SNX13: variants seen among roughly 807,000 people sequenced by gnomAD.
The protein encoded by SNX13 is sorting nexin-13.
A neutral mutation model predicts 133.6 loss-of-function variants in SNX13; 45 were observed. That is an observed-to-expected ratio of 0.34 (90% confidence interval 0.27 to 0.43). The LOEUF is 0.43. Among genes scored for constraint, SNX13 ranks in the 20% least tolerant of loss-of-function variants. The pLI, the probability that SNX13 is intolerant of heterozygous loss-of-function variation, is 1.00. For missense variants in SNX13, 1,032 were observed against 1,145.1 expected (o/e 0.90, Z 1.43); for synonymous variants, 414 against 373.9 (o/e 1.11, Z -1.24).
At chr7:17,847,354 G>A (rs187127629) in intron 11 of SNX13, among the ~76,000 whole-genome samples, 7 of 152,002 alleles carry the variant, frequency 4.6e-5, no homozygotes, top group Admixed American at 2.6e-4. Context: ...TTTTTGAGAC[G>A]GAGTGTCGCT....
chr7:17,794,089 G>C lies in SNX13; in HGVS notation c.2830C>G (p.Gln944Glu). ...SRSKQMQKYK[Q>E]KLQTTQAPSL... ...GGCGCTTGAGTAGTTTGAAGTTTCT[G>C]TTTATATTTCTGCATCTGCTTTGAC... is the stretch of plus-strand genomic sequence containing the variant. The change falls in exon 26 of 26, where the codon CAG becomes GAG. Residue 944 changes from glutamine to glutamate, a missense_variant. Transcript: ENST00000428135. 1 of 1,611,580 alleles carries C rather than the reference G, an allele frequency of 6.2e-7. No homozygotes were observed. Among genetic ancestry groups the C allele is most frequent in the Non-Finnish European group, 8.5e-7 (1 of 1,178,280 alleles).
At chr7:17,893,639 A>G (rs1177595568) in intron 2 of SNX13, among the ~76,000 whole-genome samples, 2 of 152,296 alleles carry the variant, frequency 1.3e-5, no homozygotes, top group Middle Eastern at 3.4e-3. Context: ...GAATTATACA[A>G]TAATACTTTT....
intron 11 of SNX13, 143 bp from the exon 12 acceptor site, chr7:17,845,837 G>C: frequency 1.9e-6 from 1 of 523,940 alleles, no homozygotes; most frequent in Non-Finnish European, 3.4e-6. Context: ...TTTCCCAATA[G>C]ATATACATTG....
intron 5 of SNX13, among the ~76,000 whole-genome samples, chr7:17,885,297 CA>C (rs369504773): frequency 2.1e-3 from 258 of 121,006 alleles, no homozygotes; most frequent in East Asian, 6.1e-3. Context: ...TCCATAGAGA[CA>C]AAAAAAAAAA....
intron 2 of SNX13, among the ~76,000 whole-genome samples, chr7:17,895,912 G>T (rs1176209598): frequency 6.6e-6 from 1 of 151,994 alleles, no homozygotes; most frequent in Non-Finnish European, 1.5e-5. Flanking sequence ...ACAAAGTATT[G>T]GGAAATACTC....
intron 10 of SNX13, 52 bp from the exon 11 acceptor site, chr7:17,850,487 A>G: frequency 9.1e-7 from 1 of 1,095,122 alleles, no homozygotes. Flanking sequence ...TTTATGAAAT[A>G]CTTTAAACAT....
chr7:17,846,403 T>C (rs887064248), intron 11 of SNX13, among the ~76,000 whole-genome samples: 2 of 152,170 alleles, frequency 1.3e-5, no homozygotes, highest in Admixed American at 6.5e-5. Flanking sequence ...AAAACGAAGA[T>C]GAAAAAGGTT....
chr7:17,901,224 CCTCTT>C (rs1351945115), intron 1 of SNX13, among the ~76,000 whole-genome samples: 1 of 152,096 alleles, frequency 6.6e-6, no homozygotes, highest in African/African-American at 2.4e-5. Context: ...TTTTCCCTCT[CCTCTT>C]CTCAAGCAGA....
intron 1 of SNX13, among the ~76,000 whole-genome samples, chr7:17,919,355 T>C (rs142297877): frequency 1.1e-3 from 166 of 152,288 alleles, no homozygotes; most frequent in African/African-American, 3.6e-3. Flanking sequence ...TGACATACTA[T>C]AGCAAAGTCA....
intron 13 of SNX13, among the ~76,000 whole-genome samples, chr7:17,835,706 A>G (rs1036311905): frequency 6.6e-6 from 1 of 151,974 alleles, no homozygotes; most frequent in African/African-American, 2.4e-5. Flanking sequence ...AATTTATCCA[A>G]TAAAATAAAG....
chr7:17,817,705 A>G (rs181830191), intron 18 of SNX13, among the ~76,000 whole-genome samples: 15 of 152,278 alleles, frequency 9.9e-5, no homozygotes, highest in Non-Finnish European at 1.9e-4. Flanking sequence ...GTGATTTACA[A>G]AAGTATTAGA....
chr7:17,932,714 T>C (rs1480479529), intron 1 of SNX13, among the ~76,000 whole-genome samples: 1 of 152,206 alleles, frequency 6.6e-6, no homozygotes, highest in Non-Finnish European at 1.5e-5. Context: ...TTTCACCAGG[T>C]TGACTCTTCA....
At position 17,834,653 on chromosome 7, in the gene SNX13, C is replaced by G. The variant is rs1489293208; in HGVS notation, c.1464+108G>C. Reference sequence around the variant, plus strand: ...GAGAAGTATAATTGCCATAGTTTATCTTTTTAATACCACTCTACTTTTAGA... The same window carrying G: ...GAGAAGTATAATTGCCATAGTTTATGTTTTTAATACCACTCTACTTTTAGA... On this transcript the variant is annotated intron_variant, in intron 14 of 25. Transcript: ENST00000428135. 3 of 606,632 alleles carry G rather than the reference C, an allele frequency of 4.9e-6. No individual in the cohort carries two copies. In the East Asian group the frequency reaches 9.3e-5, roughly 19 times the overall value. 37.6% of individuals were successfully genotyped at this position (606,632 alleles called of 1,614,324 possible). A position where few individuals can be genotyped will look rare whatever the true frequency, so the allele number is the denominator to read the frequency against.
In SNX13 at chr7:17,821,821, C is replaced by G. The variant is rs1283495530; in HGVS notation, c.1706-173G>C. The G allele has an allele frequency of 1.2e-4, 78 of 661,872 alleles. 1 individual carries two copies. The South Asian group carries it at 1.8e-3, about 15-fold the overall frequency. The allele number at this position is 661,872 out of a possible 1,614,324, so 41.0% of individuals were successfully genotyped here. ...GAAGGATGTCAGCAAAGGATAGATT[C>G]CCATCCTCCATATTCACATCCATAA... On this transcript the variant is annotated intron_variant, in intron 17 of 25. Coordinates refer to ENST00000428135, the MANE Select transcript of SNX13 (RefSeq NM_015132.5).
chr7:17,840,104 A>G (rs1306529218), intron 12 of SNX13, 104 bp from the exon 13 acceptor site: 2 of 870,374 alleles, frequency 2.3e-6, no homozygotes, highest in Non-Finnish European at 3.2e-6. Flanking sequence ...CAAGTGTTTA[A>G]AACTCCACAT....
intron 1 of SNX13, among the ~76,000 whole-genome samples, chr7:17,914,635 C>T (rs994795841): frequency 6.6e-6 from 1 of 152,188 alleles, no homozygotes; most frequent in African/African-American, 2.4e-5. Flanking sequence ...AACTAAGCTT[C>T]ATAAGTGAAC....
chr7:17,812,970 G>T (rs1382918043), intron 20 of SNX13, among the ~76,000 whole-genome samples: 1 of 152,164 alleles, frequency 6.6e-6, no homozygotes, highest in African/African-American at 2.4e-5. Context: ...CTGTCAGGGG[G>T]TTGAGGGCTA....
chr7:17,800,275 T>C (rs1439670105), intron 22 of SNX13, among the ~76,000 whole-genome samples: 1 of 151,776 alleles, frequency 6.6e-6, no homozygotes, highest in Non-Finnish European at 1.5e-5. Context: ...ATATTATTTT[T>C]GATTAAGACA....
intron 20 of SNX13, among the ~76,000 whole-genome samples, chr7:17,806,825 G>A (rs900490805): frequency 2.0e-5 from 3 of 152,182 alleles, no homozygotes; most frequent in Non-Finnish European, 2.9e-5. Flanking sequence ...AGCAGGGTGG[G>A]GCGTCGCGTC....
Sources: allele counts gnomAD v4.1 joint callset (sites outside exome capture counted in the v4.1 genomes callset), GRCh38; gene constraint gnomAD v4.1.1; transcripts MANE v1.5; gene names NCBI Gene and HGNC (gene_info 2026-07-23, HGNC 2026-07-21).